Variants in RGPD2 observed in about 807,000 individuals in gnomAD.
The protein encoded by RGPD2 is RANBP2 like and GRIP domain containing 2, also known as RANBP2-like and GRIP domain-containing protein 2.
RGPD2 carries 2 observed loss-of-function variants against 36.0 expected under a neutral mutation model. The observed-to-expected ratio is 0.06, with a 90% CI of 0.02 to 0.17. The LOEUF is 0.17. RGPD2 is among the 10% of genes least tolerant of loss of function. RGPD2 has a pLI of 1.00. For synonymous variants in RGPD2, 19 were observed against 163.8 expected (o/e 0.12, Z 6.75); for missense variants, 40 against 464.3 (o/e 0.09, Z 8.40).
the RGPD2 span, among the ~76,000 whole-genome samples, chr2:87,964,311 C>T: frequency 1.3e-5 from 2 of 152,204 alleles, no homozygotes; most frequent in African/African-American, 2.4e-5. Context: ...CATTAATGTC[C>T]AATGTCATAT....
upstream of RGPD2, among the ~76,000 whole-genome samples, chr2:87,827,637 T>C (rs1454763252): frequency 1.3e-5 from 1 of 76,548 alleles, no homozygotes; most frequent in East Asian, 3.1e-4. Context: ...TCACATCAGC[T>C]GATAGAATTT....
the RGPD2 span, among the ~76,000 whole-genome samples, chr2:87,870,073 A>G: frequency 6.6e-6 from 1 of 152,246 alleles, no homozygotes; most frequent in Non-Finnish European, 1.5e-5. Context: ...GAACTATAAA[A>G]CATTGATTAA....
At chr2:87,766,828 CTGGAGAAGAATCTACTT>C (rs1287304653) in intron 22 of RGPD2, 1 of 135,084 alleles carries the variant, frequency 7.4e-6, no homozygotes, top group Non-Finnish European at 1.6e-5. Flanking sequence ...GAAGGCTGGA[CTGGAGAAGAATCTACTT>C]CCAAACTTAT....
At chr2:87,921,588 G>A in the RGPD2 span, among the ~76,000 whole-genome samples, 2 of 152,124 alleles carry the variant, frequency 1.3e-5, no homozygotes, top group African/African-American at 4.8e-5. Flanking sequence ...AGAGTCAGTG[G>A]TATTTCCTGC....
At chr2:87,823,992 AG>A (rs1686488162) in intron 1 of RGPD2, among the ~76,000 whole-genome samples, 1 of 141,842 alleles carries the variant, frequency 7.1e-6, no homozygotes, top group Non-Finnish European at 1.5e-5. Flanking sequence ...ATCTGGAAAA[AG>A]AAAAACTAGA....
chr2:87,935,058 ACTC>A, the RGPD2 span, among the ~76,000 whole-genome samples: 289 of 145,756 alleles, frequency 2.0e-3, 2 homozygotes, highest in African/African-American at 7.0e-3. Context: ...CTTTCCCGCT[ACTC>A]TTTTATACTC....
chr2:87,866,847 C>G, the RGPD2 span, among the ~76,000 whole-genome samples: 5 of 152,232 alleles, frequency 3.3e-5, no homozygotes, highest in Non-Finnish European at 7.3e-5. Context: ...CCGCCATCCC[C>G]TCCTGCCATG....
chr2:87,951,971 G>A, the RGPD2 span, among the ~76,000 whole-genome samples: 1 of 151,842 alleles, frequency 6.6e-6, no homozygotes, highest in South Asian at 2.1e-4. Flanking sequence ...AAGGCATACT[G>A]AAAACTCACA....
At chr2:87,882,424 T>C in the RGPD2 span, among the ~76,000 whole-genome samples, 1 of 152,256 alleles carries the variant, frequency 6.6e-6, no homozygotes, top group African/African-American at 2.4e-5. Flanking sequence ...CGCAGGGTTA[T>C]TTTTGGACTC....
chr2:87,843,047 T>C, the RGPD2 span, among the ~76,000 whole-genome samples: 1 of 151,830 alleles, frequency 6.6e-6, no homozygotes, highest in Admixed American at 6.6e-5. Flanking sequence ...TTACACCTTA[T>C]ATAAAAATTA....
At chr2:87,851,278 TG>T in the RGPD2 span, among the ~76,000 whole-genome samples, 2 of 138,642 alleles carry the variant, frequency 1.4e-5, no homozygotes, top group South Asian at 2.4e-4. Context: ...CCCAGCTACT[TG>T]GGAGGCTGAG....
At chr2:87,842,748 G>C in the RGPD2 span, among the ~76,000 whole-genome samples, 3 of 151,822 alleles carry the variant, frequency 2.0e-5, no homozygotes, top group African/African-American at 7.3e-5. Context: ...AGCCCGCATC[G>C]CCAAGTTAAT....
chr2:87,897,037 C>T, the RGPD2 span, among the ~76,000 whole-genome samples: 6 of 152,288 alleles, frequency 3.9e-5, no homozygotes, highest in East Asian at 5.8e-4. Context: ...TTTAGTCTTC[C>T]GCATGAAAAG....
the RGPD2 span, among the ~76,000 whole-genome samples, chr2:87,881,975 C>T: frequency 1.3e-5 from 2 of 151,624 alleles, no homozygotes; most frequent in African/African-American, 2.4e-5. Flanking sequence ...AGGCATTTCA[C>T]GTGGCAAGAA....
At chr2:87,986,124 G>A in the RGPD2 span, among the ~76,000 whole-genome samples, 5 of 130,944 alleles carry the variant, frequency 3.8e-5, no homozygotes, top group South Asian at 1.4e-3. Context: ...CTTGAAAGGG[G>A]TCTGAAGACA....
At chr2:87,904,963 C>T in the RGPD2 span, among the ~76,000 whole-genome samples, 3 of 151,776 alleles carry the variant, frequency 2.0e-5, no homozygotes, top group Middle Eastern at 3.4e-3. Context: ...CTGAGAAAGA[C>T]GTCTTGAATC....
intron 7 of RGPD2, among the ~76,000 whole-genome samples, chr2:87,805,451 TCCCTCCC>T (rs1685905623): frequency 1.7e-5 from 2 of 119,254 alleles, no homozygotes. Context: ...TCCTTTTTTT[TCCCTCCC>T]CAAGCAAAAA....
At chr2:87,892,409 TA>T in the RGPD2 span, among the ~76,000 whole-genome samples, 1 of 151,966 alleles carries the variant, frequency 6.6e-6, no homozygotes, top group East Asian at 1.9e-4. Context: ...TCTCCCAATG[TA>T]AAGACTTGTT....
chr2:87,839,376 A>G, the RGPD2 span, among the ~76,000 whole-genome samples: 1 of 152,010 alleles, frequency 6.6e-6, no homozygotes, highest in African/African-American at 2.4e-5. Flanking sequence ...AAAAAATAAC[A>G]GATTCTGGTG....
Sources: gnomAD v4.1 joint callset for allele counts (sites outside exome capture counted in the v4.1 genomes callset) on GRCh38, gnomAD v4.1.1 for gene constraint, MANE v1.5 for transcripts, NCBI Gene and HGNC (gene_info 2026-07-23, HGNC 2026-07-21) for gene names.